PRRC2B: variants seen among roughly 807,000 people sequenced by gnomAD.
PRRC2B encodes the protein protein PRRC2B.
PRRC2B carries 68 observed loss-of-function variants against 242.3 expected under a neutral mutation model. The observed-to-expected ratio is 0.28, with a 90% CI of 0.23 to 0.34. The LOEUF (loss-of-function observed/expected upper bound fraction) is 0.34, where lower values mean the gene tolerates loss of function less well. Among genes scored for constraint, PRRC2B ranks in the 10% least tolerant of loss-of-function variants. The probability of loss-of-function intolerance (pLI) is 1.00; values close to 1 mark genes in which losing one functional copy is unlikely to be tolerated. For synonymous variants in PRRC2B, 1,228 were observed against 1,173.6 expected, an observed-to-expected ratio of 1.05 and a Z score of -0.95; for missense variants, 2,835 against 2,954.8, an observed-to-expected ratio of 0.96 and a Z score of 0.94.
chr9:131,420,483 TTCTTTCTTTC>T (rs1837792029), intron 1 of PRRC2B, among the ~76,000 whole-genome samples: 3 of 16,684 alleles, frequency 1.8e-4, no homozygotes, highest in African/African-American at 4.1e-4. Context: ...CTTTCTTTCT[TTCTTTCTTTC>T]TTTTTTTTTT....
intron 1 of PRRC2B, among the ~76,000 whole-genome samples, chr9:131,419,022 T>G (rs1370770740): frequency 1.3e-5 from 2 of 152,142 alleles, no homozygotes; most frequent in Non-Finnish European, 2.9e-5. Context: ...AGATTTACAG[T>G]TTTTCTGTAT....
chr9:131,477,397 G>A (rs931296552), intron 16 of PRRC2B, among the ~76,000 whole-genome samples: 5 of 152,220 alleles, frequency 3.3e-5, no homozygotes, highest in Non-Finnish European at 5.9e-5. Context: ...TGCCCCAAGG[G>A]CCCTCCGGCA....
intron 11 of PRRC2B, among the ~76,000 whole-genome samples, chr9:131,460,786 C>T (rs1027346636): frequency 2.2e-4 from 34 of 152,076 alleles, no homozygotes; most frequent in African/African-American, 5.1e-4. Flanking sequence ...TCATCTTTCC[C>T]GGATGCATGA....
At chr9:131,411,514 T>C (rs1006199236) in intron 1 of PRRC2B, among the ~76,000 whole-genome samples, 8 of 151,030 alleles carry the variant, frequency 5.3e-5, no homozygotes, top group Admixed American at 3.3e-4. Flanking sequence ...GCCTGGCTAA[T>C]TTTTTGTATT....
intron 13 of PRRC2B, among the ~76,000 whole-genome samples, chr9:131,468,292 A>G (rs1478533671): frequency 6.6e-6 from 1 of 152,166 alleles, no homozygotes; most frequent in African/African-American, 2.4e-5. Context: ...CTAGTTGTGC[A>G]TGGCCTTGGA....
chr9:131,471,944 A>G (rs894125613), intron 14 of PRRC2B, among the ~76,000 whole-genome samples: 36 of 152,196 alleles, frequency 2.4e-4, no homozygotes, highest in Admixed American at 5.9e-4. Context: ...AAAATGTCCC[A>G]CTATGATGAT....
chr9:131,411,882 C>T (rs977559160), intron 1 of PRRC2B, among the ~76,000 whole-genome samples: 5 of 152,224 alleles, frequency 3.3e-5, no homozygotes, highest in Admixed American at 2.0e-4. Context: ...GGCACAGTCA[C>T]GGCTTACTGC....
At chr9:131,378,953 A>AGG (rs1836721055) in intron 1 of PRRC2B, among the ~76,000 whole-genome samples, 2 of 152,134 alleles carry the variant, frequency 1.3e-5, no homozygotes, top group Non-Finnish European at 2.9e-5. Flanking sequence ...TCCTGACCTC[A>AGG]AGTGATCTGC....
At chr9:131,481,992 A>G (rs759865969) in intron 20 of PRRC2B, among the ~76,000 whole-genome samples, 184 bp downstream of exon 20, 4 of 152,160 alleles carry the variant, frequency 2.6e-5, no homozygotes, top group Admixed American at 6.5e-5. Context: ...TGGCCTGTGC[A>G]TGGGGCGTGC....
chr9:131,440,038 C>T (rs1838509919), intron 5 of PRRC2B, among the ~76,000 whole-genome samples: 1 of 152,034 alleles, frequency 6.6e-6, no homozygotes, highest in Non-Finnish European at 1.5e-5. Context: ...CAGGCGCATG[C>T]ACCACCACGC....
At chr9:131,414,298 A>G (rs530430584) in intron 1 of PRRC2B, among the ~76,000 whole-genome samples, 10 of 150,986 alleles carry the variant, frequency 6.6e-5, no homozygotes, top group African/African-American at 2.2e-4. Context: ...AGATAAAACA[A>G]TAAAGCCTCT....
At position 131,446,358 on chromosome 9, in the gene PRRC2B, C is replaced by T; in HGVS notation, c.614-43C>T. The T allele has an allele frequency of 1.9e-6, 3 of 1,607,526 alleles. No homozygotes were observed. The highest frequency in any genetic ancestry group is 2.5e-6 in the Non-Finnish European group (3 of 1,176,762). ...AGAACCTCATACGATCCCTCCTTCC[C>T]CCTCCTCTTCCCTCTCCCCTTTTGC... On this transcript the variant is annotated intron_variant, in intron 6 of 31. Coordinates refer to ENST00000683519, the MANE Select transcript of PRRC2B (RefSeq NM_013318.4). The surrounding 1 kb of genome is among the most constrained non-coding windows in gnomAD (Gnocchi z 4.1).
At position 131,477,779 on chromosome 9, in the gene PRRC2B, G is replaced by C; in HGVS notation, c.4442G>C (p.Gly1481Ala). ...PDEALPGGLS[G>A]CSSGSGHSPY... ...GAGGCCTTGCCTGGAGGTCTTAGTG[G>C]CTGCAGCAGTGGGAGTGGCCACTCC... Residue 1481 changes from glycine to alanine, a missense_variant, in exon 17 of 32, where the codon GGC (glycine) becomes GCC (alanine). Gly to Ala is a moderately conservative substitution (Grantham distance 60). This residue lies in a region of PRRC2B where 1,536 missense variants were observed against 1,483.1 expected (regional missense o/e 1.04). Transcript: ENST00000683519. 1 of 1,610,528 alleles carries C rather than the reference G, an allele frequency of 6.2e-7. No homozygotes were observed. Among genetic ancestry groups the C allele is most frequent in the Non-Finnish European group, 8.5e-7 (1 of 1,178,814 alleles).
At chr9:131,397,658 C>A (rs1837106657) in intron 1 of PRRC2B, among the ~76,000 whole-genome samples, 1 of 145,310 alleles carries the variant, frequency 6.9e-6, no homozygotes. Context: ...ATTATCCTAC[C>A]CCTTAAGATT....
chr9:131,406,077 T>C (rs1199620022), intron 1 of PRRC2B, among the ~76,000 whole-genome samples: 1 of 152,132 alleles, frequency 6.6e-6, no homozygotes, highest in East Asian at 1.9e-4. Flanking sequence ...TAATGGTTCC[T>C]GGATTCAGCC....
chr9:131,478,174 C>G (rs189705952), intron 17 of PRRC2B, among the ~76,000 whole-genome samples: 5 of 152,124 alleles, frequency 3.3e-5, no homozygotes, highest in Non-Finnish European at 7.3e-5. Flanking sequence ...CTGCAGCTTC[C>G]GGGCTTTAAA....
At chr9:131,469,985 G>C (rs1943495535) in intron 13 of PRRC2B, among the ~76,000 whole-genome samples, 1 of 152,122 alleles carries the variant, frequency 6.6e-6, no homozygotes, top group South Asian at 2.1e-4. Context: ...GAGGACCGGG[G>C]ACCTGGTCTC....
At chr9:131,389,917 T>C (rs1393004772), upstream of PRRC2B, among the ~76,000 whole-genome samples, 1 of 122,440 alleles carries the variant, frequency 8.2e-6, no homozygotes, top group East Asian at 2.4e-4. Flanking sequence ...ACATGGTTGT[T>C]TTTTTTTTTG....
chr9:131,451,624 T>C (rs1384100715), intron 9 of PRRC2B, among the ~76,000 whole-genome samples: 4 of 152,108 alleles, frequency 2.6e-5, no homozygotes, highest in African/African-American at 9.7e-5. Flanking sequence ...TCTAGTATAA[T>C]ATTAACCTCA....
Sources: allele counts gnomAD v4.1 joint callset (sites outside exome capture counted in the v4.1 genomes callset), GRCh38; gene constraint gnomAD v4.1.1; regional missense constraint gnomAD v4.1.1; non-coding constraint Gnocchi (gnomAD v3.1); transcripts MANE v1.5; gene names NCBI Gene and HGNC (gene_info 2026-07-23, HGNC 2026-07-21).